The following SAMD12 variants were observed in gnomAD, a reference collection of about 807,000 sequenced individuals.
The protein encoded by SAMD12 is sterile alpha motif domain-containing protein 12.
A neutral mutation model predicts 15.0 loss-of-function variants in SAMD12; 9 were observed. That is an observed-to-expected ratio of 0.60 (90% CI 0.36 to 1.05). SAMD12 has a LOEUF of 1.05. Ranked by LOEUF, SAMD12 falls within the 50% of genes least tolerant of loss-of-function variation. SAMD12 has a pLI of 0.01. For missense variants in SAMD12, 230 were observed against 234.2 expected (o/e 0.98, Z 0.12); for synonymous variants, 86 against 90.1 (o/e 0.96, Z 0.25).
chr8:118,407,096 A>T (rs1821169663), intron 3 of SAMD12, among the ~76,000 whole-genome samples: 1 of 152,118 alleles, frequency 6.6e-6, no homozygotes, highest in Admixed American at 6.5e-5. Flanking sequence ...AATAAAAAAA[A>T]ACTATTAAGT....
At chr8:118,297,060 G>A (rs147017288) in intron 4 of SAMD12, among the ~76,000 whole-genome samples, 1 of 152,286 alleles carries the variant, frequency 6.6e-6, no homozygotes, top group African/African-American at 2.4e-5. Context: ...CAGACTGATA[G>A]ACAACTATTA....
intron 4 of SAMD12, among the ~76,000 whole-genome samples, chr8:118,203,536 T>A (rs543982476): frequency 1.3e-5 from 2 of 151,932 alleles, no homozygotes; most frequent in African/African-American, 4.8e-5. Context: ...GGTACTGAGG[T>A]TGGTTTGGAA....
At chr8:118,336,939 TTCA>T (rs1350130699) in intron 4 of SAMD12, among the ~76,000 whole-genome samples, 7 of 152,096 alleles carry the variant, frequency 4.6e-5, no homozygotes, top group African/African-American at 1.7e-4. Context: ...CATGTTCTCA[TTCA>T]TAGGTAGGAA....
the SAMD12 span, among the ~76,000 whole-genome samples, chr8:118,167,183 C>T: frequency 6.6e-6 from 1 of 151,854 alleles, no homozygotes; most frequent in South Asian, 2.1e-4. Context: ...TTACTCCCCC[C>T]AGCCCCCCGC....
intron 4 of SAMD12, among the ~76,000 whole-genome samples, chr8:118,351,867 T>C (rs1471495491): frequency 6.6e-6 from 1 of 152,212 alleles, no homozygotes; most frequent in Non-Finnish European, 1.5e-5. Context: ...TGAATTCTTG[T>C]TGGTTTTCCA....
At position 118,286,506 on chromosome 8, in the gene SAMD12, G is replaced by A. The variant is rs961704206; in HGVS notation, c.434-88774C>T. Among the ~76,000 whole-genome samples the A allele has an allele frequency of 5.9e-5, 9 of 151,964 alleles. No homozygotes were observed. In the East Asian group the frequency reaches 1.7e-3, roughly 29 times the overall value. ...TTTTTCTTTCCAGCATCTTAATAAA[G>A]CTAATAAAGGCTAACACTACCACTC... is the stretch of plus-strand genomic sequence containing the variant. On this transcript the variant is annotated intron_variant, in intron 4 of 4. Coordinates refer to the SAMD12 transcript ENST00000409003.
the SAMD12 span, among the ~76,000 whole-genome samples, chr8:118,169,058 A>G: frequency 6.6e-6 from 1 of 152,122 alleles, no homozygotes; most frequent in East Asian, 1.9e-4. Context: ...GTGGGGAGGG[A>G]AAGAAAGGGG....
chr8:118,328,258 T>C (rs935873005), intron 4 of SAMD12, among the ~76,000 whole-genome samples: 4 of 152,198 alleles, frequency 2.6e-5, no homozygotes, highest in African/African-American at 9.6e-5. Flanking sequence ...CCTTACTATG[T>C]GCTTCTGCTA....
intron 4 of SAMD12, among the ~76,000 whole-genome samples, chr8:118,326,969 T>C (rs1405590187): frequency 1.3e-5 from 2 of 152,042 alleles, no homozygotes; most frequent in African/African-American, 2.4e-5. Context: ...AACTAGAAAA[T>C]AGCTATTTTG....
At chr8:118,250,503 A>ATTT (rs112780663) in intron 4 of SAMD12, among the ~76,000 whole-genome samples, 1 of 138,752 alleles carries the variant, frequency 7.2e-6, no homozygotes. Flanking sequence ...GCAAAAATGG[A>ATTT]TTTTTTTTTT....
In SAMD12 at chr8:118,379,013, T is replaced by G; in HGVS notation, c.*404A>C. 2 of 990,946 alleles carry G rather than the reference T, an allele frequency of 2.0e-6. No individual in the cohort carries two copies. Among genetic ancestry groups the G allele is most frequent in the African/African-American group, 1.7e-5 (1 of 57,548 alleles). The allele number at this position is 990,946 out of a possible 1,614,324, so 61.4% of individuals were successfully genotyped here. A position where few individuals can be genotyped will look rare whatever the true frequency, so the allele number is the denominator to read the frequency against. ...GGGTTCTTACAATCTCTAAAGTGTG[T>G]GTGTATAATACATTCATGTATAGTA... On this transcript the variant is annotated 3_prime_UTR_variant, in exon 4 of 4. Transcript: ENST00000314727.
At chr8:118,439,679 C>A (rs1396235039) in intron 3 of SAMD12, among the ~76,000 whole-genome samples, 153 bp downstream of exon 3, 1 of 152,104 alleles carries the variant, frequency 6.6e-6, no homozygotes, top group Non-Finnish European at 1.5e-5. Context: ...TAGCATGGCT[C>A]ACATGGATCT....
At chr8:118,599,994 C>T (rs1827821334) in intron 1 of SAMD12, among the ~76,000 whole-genome samples, 2 of 152,154 alleles carry the variant, frequency 1.3e-5, no homozygotes, top group African/African-American at 4.8e-5. Flanking sequence ...CAACAGATCG[C>T]CTCTTTTTAC....
chr8:118,238,955 G>A (rs181054659), intron 4 of SAMD12, among the ~76,000 whole-genome samples: 21 of 152,212 alleles, frequency 1.4e-4, no homozygotes, highest in African/African-American at 4.3e-4. Flanking sequence ...CAATATGGTG[G>A]AGCAGGTCTT....
chr8:118,275,200 T>A (rs1813443870), intron 4 of SAMD12, among the ~76,000 whole-genome samples: 1 of 152,176 alleles, frequency 6.6e-6, no homozygotes, highest in South Asian at 2.1e-4. Flanking sequence ...ATAATTTTTT[T>A]ATATTTATTG....
At chr8:118,204,753 CAAAAAAAG>C (rs1176098568) in intron 4 of SAMD12, among the ~76,000 whole-genome samples, 2 of 148,142 alleles carry the variant, frequency 1.4e-5, no homozygotes, top group Non-Finnish European at 1.5e-5. Flanking sequence ...GACTCTGTCT[CAAAAAAAG>C]AAAAAAAGAA....
At chr8:118,343,652 C>A (rs1259100025) in intron 4 of SAMD12, among the ~76,000 whole-genome samples, 2 of 152,128 alleles carry the variant, frequency 1.3e-5, no homozygotes, top group African/African-American at 2.4e-5. Flanking sequence ...CTTGCCTTAC[C>A]TCATCCTGGC....
chr8:118,305,630 A>C (rs1815306619), intron 4 of SAMD12, among the ~76,000 whole-genome samples: 1 of 152,252 alleles, frequency 6.6e-6, no homozygotes, highest in Middle Eastern at 3.4e-3. Context: ...CTTTCCACAG[A>C]AGGACACTCT....
At chr8:118,304,637 G>A (rs1444991883) in intron 4 of SAMD12, among the ~76,000 whole-genome samples, 1 of 151,904 alleles carries the variant, frequency 6.6e-6, no homozygotes, top group Non-Finnish European at 1.5e-5. Context: ...GTGTGCGCCT[G>A]TAGTCCCAGA....
Sources: gnomAD v4.1 joint callset for allele counts (sites outside exome capture counted in the v4.1 genomes callset) on GRCh38, gnomAD v4.1.1 for gene constraint, MANE v1.5 for transcripts, NCBI Gene and HGNC (gene_info 2026-07-23, HGNC 2026-07-21) for gene names.